Variants in PDE1A observed in about 807,000 individuals in gnomAD.
PDE1A encodes phosphodiesterase 1A.
In PDE1A, 35 loss-of-function variants were observed where a neutral mutation model predicts 61.7. The ratio of observed to expected loss-of-function variants is 0.57; its 90% CI spans 0.43 to 0.75. The LOEUF is 0.75. Ranked by LOEUF, PDE1A falls within the 30% of genes least tolerant of loss-of-function variation. The pLI, the probability that PDE1A is intolerant of heterozygous loss-of-function variation, is 0.00. For missense variants in PDE1A, 597 were observed against 630.6 expected, an observed-to-expected ratio of 0.95 and a Z score of 0.57; for synonymous variants, 232 against 213.2, an observed-to-expected ratio of 1.09 and a Z score of -0.77.
At chr2:182,660,324 G>A in the PDE1A span, among the ~76,000 whole-genome samples, 9,743 of 152,204 alleles carry the variant, frequency 0.064, 1,005 homozygotes, top group African/African-American at 0.22. Context: ...TGAGAGAGTG[G>A]AAGAAAGAGG....
chr2:182,351,682 TG>T (rs1342929407), intron 1 of PDE1A, among the ~76,000 whole-genome samples: 1 of 152,198 alleles, frequency 6.6e-6, no homozygotes. Flanking sequence ...CCGTGACATT[TG>T]TGATCAATCA....
intron 1 of PDE1A, among the ~76,000 whole-genome samples, chr2:182,407,184 T>C (rs924169761): frequency 2.0e-5 from 3 of 152,200 alleles, no homozygotes; most frequent in Non-Finnish European, 4.4e-5. Flanking sequence ...TGTTCATGTC[T>C]TTGTTTCTGC....
intron 10 of PDE1A, among the ~76,000 whole-genome samples, chr2:182,198,112 C>T (rs1401180731): frequency 6.6e-6 from 1 of 151,846 alleles, no homozygotes; most frequent in African/African-American, 2.4e-5. Context: ...GTTTCATATA[C>T]ATTTAATTAA....
downstream of PDE1A, among the ~76,000 whole-genome samples, chr2:182,164,659 G>A (rs950121620): frequency 6.6e-6 from 1 of 152,012 alleles, no homozygotes; most frequent in African/African-American, 2.4e-5. Context: ...AGCAACATGG[G>A]CTTCCACTCA....
chr2:182,599,079 C>T, the PDE1A span, among the ~76,000 whole-genome samples: 9 of 152,156 alleles, frequency 5.9e-5, no homozygotes, highest in South Asian at 2.1e-4. Context: ...GCAGGAGCTC[C>T]GCAGGTGTCG....
the PDE1A span, among the ~76,000 whole-genome samples, chr2:182,690,951 A>G: frequency 1.3e-5 from 2 of 152,164 alleles, no homozygotes; most frequent in African/African-American, 4.8e-5. Flanking sequence ...AGAATAAAAT[A>G]CCTAGGAATC....
the PDE1A span, among the ~76,000 whole-genome samples, chr2:182,585,310 T>G: frequency 6.6e-6 from 1 of 152,242 alleles, no homozygotes; most frequent in Non-Finnish European, 1.5e-5. Context: ...GTTATTTTTA[T>G]GAAGTGTATT....
chr2:182,556,852 T>TA, the PDE1A span, among the ~76,000 whole-genome samples: 1 of 152,342 alleles, frequency 6.6e-6, no homozygotes, highest in Non-Finnish European at 1.5e-5. Flanking sequence ...GCCTGGTACT[T>TA]AAACACTAGG....
intron 7 of PDE1A, among the ~76,000 whole-genome samples, chr2:182,219,715 G>A (rs1054248816): frequency 6.6e-6 from 1 of 151,998 alleles, no homozygotes; most frequent in African/African-American, 2.4e-5. Flanking sequence ...TTATAACCTA[G>A]CACTGGCCCT....
At chr2:182,596,177 G>C in the PDE1A span, among the ~76,000 whole-genome samples, 1 of 152,196 alleles carries the variant, frequency 6.6e-6, no homozygotes, top group African/African-American at 2.4e-5. Flanking sequence ...ATCAAGTAAG[G>C]TACATTCTTT....
At chr2:182,554,583 T>A in the PDE1A span, among the ~76,000 whole-genome samples, 26 of 152,200 alleles carry the variant, frequency 1.7e-4, 1 homozygote, top group Admixed American at 1.7e-3. Flanking sequence ...CTTCTACTTG[T>A]GTGAACTTTG....
the PDE1A span, among the ~76,000 whole-genome samples, chr2:182,557,153 G>A: frequency 6.6e-6 from 1 of 152,022 alleles, no homozygotes. Flanking sequence ...AAATTAGCCG[G>A]GAGAATCACT....
intron 8 of PDE1A, among the ~76,000 whole-genome samples, chr2:182,203,108 G>A (rs1032880848): frequency 2.6e-5 from 4 of 152,128 alleles, no homozygotes; most frequent in Admixed American, 1.3e-4. Flanking sequence ...GAGGTCAGGA[G>A]ATCGAGACCA....
At chr2:182,242,128 C>A (rs953884798) in intron 2 of PDE1A, 2 of 1,205,454 alleles carry the variant, frequency 1.7e-6, no homozygotes, top group East Asian at 7.1e-5. Context: ...GTCAGCTAAT[C>A]TCCTTAGAAT....
the PDE1A span, among the ~76,000 whole-genome samples, chr2:182,537,165 C>T: frequency 1.3e-5 from 2 of 152,136 alleles, no homozygotes; most frequent in Non-Finnish European, 2.9e-5. Flanking sequence ...CTTACATAGC[C>T]ATACCAACTG....
intron 1 of PDE1A, among the ~76,000 whole-genome samples, chr2:182,278,323 CA>C (rs1559287809): frequency 6.6e-6 from 1 of 151,990 alleles, no homozygotes; most frequent in East Asian, 1.9e-4. Context: ...GTGGATATAA[CA>C]CAAACAATCA....
intron 10 of PDE1A, among the ~76,000 whole-genome samples, chr2:182,200,250 T>C (rs181796206): frequency 6.6e-6 from 1 of 152,280 alleles, no homozygotes; most frequent in East Asian, 1.9e-4. Flanking sequence ...TCTAGGCTAA[T>C]GAGGCAACTC....
chr2:182,317,273 T>C (rs1473783917), intron 1 of PDE1A, among the ~76,000 whole-genome samples: 1 of 151,662 alleles, frequency 6.6e-6, no homozygotes, highest in African/African-American at 2.4e-5. Context: ...TTTTTGAGGA[T>C]AAGAGTACTA....
the PDE1A span, among the ~76,000 whole-genome samples, chr2:182,609,458 C>G: frequency 6.6e-6 from 1 of 152,218 alleles, no homozygotes; most frequent in Non-Finnish European, 1.5e-5. Flanking sequence ...CTCGTTGGGT[C>G]CACACTTCCT....
Sources: allele counts gnomAD v4.1 joint callset (sites outside exome capture counted in the v4.1 genomes callset), GRCh38; gene constraint gnomAD v4.1.1; transcripts MANE v1.5; gene names NCBI Gene and HGNC (gene_info 2026-07-23, HGNC 2026-07-21).